FBXL5: variants seen among roughly 807,000 people sequenced by gnomAD.
FBXL5 encodes F-box/LRR-repeat protein 5.
FBXL5 carries 26 observed loss-of-function variants against 78.3 expected under a neutral mutation model. The observed-to-expected ratio is 0.33, with a 90% CI of 0.24 to 0.46. The LOEUF (loss-of-function observed/expected upper bound fraction) is 0.46, where lower values mean the gene tolerates loss of function less well. Ranked by LOEUF, FBXL5 falls within the 20% of genes least tolerant of loss-of-function variation. The pLI is 1.00. For synonymous variants in FBXL5, 295 were observed against 282.5 expected (o/e 1.04, Z -0.45); for missense variants, 710 against 829.2 (o/e 0.86, Z 1.77).
chr4:15,635,761 GAAAA>G (rs71649918), intron 5 of FBXL5, among the ~76,000 whole-genome samples: 1 of 120,630 alleles, frequency 8.3e-6, no homozygotes, highest in Admixed American at 8.6e-5. Context: ...CTCAAAAAAA[GAAAA>G]AAAAAAAAAA....
chr4:15,607,541 C>T (rs970322888), intron 10 of FBXL5, among the ~76,000 whole-genome samples: 6 of 152,062 alleles, frequency 3.9e-5, no homozygotes, highest in African/African-American at 1.4e-4. Flanking sequence ...TGAGAAGCAA[C>T]CCTATGATCT....
intron 2 of FBXL5, chr4:15,641,502 AAC>A: frequency 2.6e-6 from 1 of 386,686 alleles, no homozygotes; most frequent in South Asian, 2.0e-5. Flanking sequence ...TGTTCTTAGT[AAC>A]ATTCTTTTCT....
intron 2 of FBXL5, chr4:15,641,586 T>G (rs1362018324): frequency 2.2e-6 from 1 of 457,428 alleles, no homozygotes; most frequent in African/African-American, 1.9e-5. Flanking sequence ...GTTATTCGAT[T>G]GTTTTATGTT....
intron 1 of FBXL5, among the ~76,000 whole-genome samples, chr4:15,680,287 T>C (rs1273633683): frequency 6.6e-6 from 1 of 152,166 alleles, no homozygotes; most frequent in Non-Finnish European, 1.5e-5. Context: ...GGATAGGGAC[T>C]AGGGAGGAAG....
intron 1 of FBXL5, among the ~76,000 whole-genome samples, chr4:15,651,301 A>AG (rs1716014606): frequency 6.6e-6 from 1 of 152,208 alleles, no homozygotes. Context: ...GGGCTTCCGA[A>AG]GGGGAAAAAA....
At chr4:15,628,687 G>A (rs1031584161) in intron 6 of FBXL5, among the ~76,000 whole-genome samples, 5 of 151,074 alleles carry the variant, frequency 3.3e-5, no homozygotes, top group African/African-American at 1.2e-4. Flanking sequence ...AAGTATAGCA[G>A]ACAAAAGGAT....
At chr4:15,622,930 C>T (rs2148565340) in intron 9 of FBXL5, among the ~76,000 whole-genome samples, 1 of 152,168 alleles carries the variant, frequency 6.6e-6, no homozygotes, top group South Asian at 2.1e-4. Context: ...TCAGGAAAAC[C>T]CTAAAGAATA....
intron 2 of FBXL5, among the ~76,000 whole-genome samples, chr4:15,642,069 T>C (rs1714945182): frequency 6.6e-6 from 1 of 151,776 alleles, no homozygotes. Context: ...AGGTCATATA[T>C]ATCAATATCA....
Position 15,636,670 on chromosome 4 carries a change from T to G in FBXL5, c.590A>C (p.Glu197Ala). ...TATACCTGTGGAGTGTTCTGACACTTCTGCTTCTGAAATAAAAAAGAAAAA... is the reference window on the plus strand; with the variant it reads ...TATACCTGTGGAGTGTTCTGACACTGCTGCTTCTGAAATAAAAAAGAAAAA... ...SVDEKSDKEA[E>A]VSEHSTGITH... The change falls in exon 5 of 11, where the codon GAA becomes GCA. Residue 197 changes from glutamate (E) to alanine (A), a missense_variant. This residue lies in a region of FBXL5 where 517 missense variants were observed against 542.9 expected (regional missense o/e 0.95). Coordinates refer to ENST00000341285, the MANE Select transcript of FBXL5 (RefSeq NM_012161.4). The G allele has an allele frequency of 6.5e-7, 1 of 1,546,176 alleles. No individual in the cohort carries two copies. The highest frequency in any genetic ancestry group is 8.7e-7 in the Non-Finnish European group (1 of 1,143,462).
At chr4:15,652,970 C>A (rs1370173067) in intron 1 of FBXL5, among the ~76,000 whole-genome samples, 2 of 152,110 alleles carry the variant, frequency 1.3e-5, no homozygotes, top group African/African-American at 4.8e-5. Context: ...ACAAGGTACT[C>A]TTCCTTTAAT....
At chr4:15,633,312 C>T (rs1577453996) in intron 5 of FBXL5, among the ~76,000 whole-genome samples, 1 of 152,084 alleles carries the variant, frequency 6.6e-6, no homozygotes, top group East Asian at 1.9e-4. Flanking sequence ...TAATGATTAT[C>T]AAGTCTTGCA....
chr4:15,610,448 A>G (rs1315137563), intron 10 of FBXL5, among the ~76,000 whole-genome samples: 1 of 152,096 alleles, frequency 6.6e-6, no homozygotes. Flanking sequence ...CAAATCTTTC[A>G]AAGTCAGATA....
intron 3 of FBXL5, among the ~76,000 whole-genome samples, chr4:15,639,781 A>G (rs1301507665): frequency 2.6e-5 from 4 of 152,212 alleles, no homozygotes; most frequent in Non-Finnish European, 4.4e-5. Flanking sequence ...AATTTGTCTG[A>G]AAAGGTCTTA....
intron 1 of FBXL5, among the ~76,000 whole-genome samples, chr4:15,650,655 GACTT>G (rs1715893681): frequency 7.2e-6 from 1 of 138,616 alleles, no homozygotes; most frequent in Non-Finnish European, 1.5e-5. Context: ...ATTTATAACT[GACTT>G]TCTTTTTTTT....
At chr4:15,671,073 G>C (rs1158029642) in intron 1 of FBXL5, among the ~76,000 whole-genome samples, 1 of 151,514 alleles carries the variant, frequency 6.6e-6, no homozygotes, top group Admixed American at 6.6e-5. Context: ...ACAGGTGCCC[G>C]CCACCACACC....
chr4:15,621,653 A>G (rs1435222198), intron 9 of FBXL5, among the ~76,000 whole-genome samples: 2 of 152,240 alleles, frequency 1.3e-5, no homozygotes, highest in Non-Finnish European at 2.9e-5. Context: ...GATTCCACTT[A>G]TATGAGGGGC....
chr4:15,646,568 T>G (rs1382451616), intron 1 of FBXL5, among the ~76,000 whole-genome samples: 1 of 151,948 alleles, frequency 6.6e-6, no homozygotes, highest in Non-Finnish European at 1.5e-5. Context: ...TTATTATACT[T>G]TAAGTTTTAG....
In FBXL5 at chr4:15,625,987, AAAGAC is replaced by A. The variant is rs1271057436; in HGVS notation, c.1125-15_1125-11del. 1 of 1,539,258 alleles carries A rather than the reference AAAGAC, an allele frequency of 6.5e-7. No homozygotes were observed. Among genetic ancestry groups the A allele is most frequent in the Non-Finnish European group, 8.7e-7 (1 of 1,154,180 alleles). ...ACCAAGCCAAGACCAACTATAATTA[AAAGAC>A]AAGACTATTAATGAATATTGTTAAA... On this transcript the variant is annotated splice_polypyrimidine_tract_variant and intron_variant, in intron 8 of 10. Coordinates refer to ENST00000341285, the MANE Select transcript of FBXL5 (RefSeq NM_012161.4).
chr4:15,615,037 AAT>A (rs1711653320), intron 9 of FBXL5, among the ~76,000 whole-genome samples: 1 of 152,130 alleles, frequency 6.6e-6, no homozygotes, highest in African/African-American at 2.4e-5. Flanking sequence ...GGCCCTGGGC[AAT>A]GAGGGACTTA....
Sources: gnomAD v4.1 joint callset for allele counts (sites outside exome capture counted in the v4.1 genomes callset) on GRCh38, gnomAD v4.1.1 for gene constraint, gnomAD v4.1.1 regional missense constraint, MANE v1.5 for transcripts, NCBI Gene and HGNC (gene_info 2026-07-23, HGNC 2026-07-21) for gene names.